The following PAPPA2 variants were observed in gnomAD, a reference collection of about 807,000 sequenced individuals.
The protein encoded by PAPPA2 is pappalysin 2, also known as pappalysin-2.
In PAPPA2, 86 loss-of-function variants were observed where a neutral mutation model predicts 176.4. The ratio of observed to expected loss-of-function variants is 0.49; its 90% CI spans 0.41 to 0.58. PAPPA2 has a LOEUF of 0.58. Ranked by LOEUF, PAPPA2 falls within the 20% of genes least tolerant of loss-of-function variation. The pLI, the probability that PAPPA2 is intolerant of heterozygous loss-of-function variation, is 0.00. For missense variants in PAPPA2, 2,073 were observed against 2,256.9 expected (o/e 0.92, Z 1.65); for synonymous variants, 809 against 852.2 (o/e 0.95, Z 0.88).
intron 21 of PAPPA2, among the ~76,000 whole-genome samples, chr1:176,815,288 C>T (rs1460453177): frequency 6.6e-6 from 1 of 152,112 alleles, no homozygotes; most frequent in South Asian, 2.1e-4. Flanking sequence ...CTCAGCTCCA[C>T]CCTTATATTT....
chr1:176,469,358 G>C (rs767926074), intron 1 of PAPPA2, among the ~76,000 whole-genome samples: 1 of 152,090 alleles, frequency 6.6e-6, no homozygotes, highest in Non-Finnish European at 1.5e-5. Context: ...CTGTTTCTGG[G>C]AGAGGGAGTG....
chr1:176,830,897 C>T (rs564265443), intron 21 of PAPPA2, among the ~76,000 whole-genome samples: 2 of 152,304 alleles, frequency 1.3e-5, no homozygotes, highest in South Asian at 4.1e-4. Flanking sequence ...TTTTAAGAAG[C>T]ATTGCTGTGT....
intron 14 of PAPPA2, among the ~76,000 whole-genome samples, chr1:176,752,986 T>C (rs1053265984): frequency 6.6e-6 from 1 of 152,258 alleles, no homozygotes; most frequent in Non-Finnish European, 1.5e-5. Context: ...CATGGAGAAT[T>C]CACTGTAGAT....
chr1:176,492,316 T>G (rs116536444), intron 1 of PAPPA2, among the ~76,000 whole-genome samples: 1,568 of 152,292 alleles, frequency 0.01, 33 homozygotes, highest in African/African-American at 0.036. Flanking sequence ...CTTTAGTTTC[T>G]CCACTAAGAG....
intron 3 of PAPPA2, among the ~76,000 whole-genome samples, chr1:176,666,604 T>TGAGA (rs1296541564): frequency 1.1e-4 from 13 of 119,960 alleles, no homozygotes; most frequent in African/African-American, 2.4e-4. Context: ...TGTGTGTGTG[T>TGAGA]GTGTGAGAGA....
intron 3 of PAPPA2, among the ~76,000 whole-genome samples, chr1:176,669,401 C>A (rs1255898830): frequency 6.6e-6 from 1 of 152,068 alleles, no homozygotes; most frequent in African/African-American, 2.4e-5. Context: ...TCATCACCCC[C>A]AAACCATCAA....
chr1:176,710,397 T>C (rs1370405535), intron 11 of PAPPA2, among the ~76,000 whole-genome samples: 3 of 152,166 alleles, frequency 2.0e-5, no homozygotes, highest in Non-Finnish European at 2.9e-5. Context: ...CCTGGAAAAA[T>C]GGGTATAGTA....
rs542402517 is a variant in PAPPA2, at chr1:176,685,148, G to A, written c.2138-4989G>A. ...CAATGAAGGTTACAGGCAAATGAAC[G>A]TGTACTGCCAGACTGCACATAGAAT... On this transcript the variant is annotated intron_variant, in intron 4 of 22. Transcript: ENST00000367662. 2.7e-4 allele frequency among the ~76,000 whole-genome samples: 41 copies of A among 152,046 alleles called. No homozygotes were observed. In the South Asian group the frequency reaches 7.7e-3, roughly 29 times the overall value.
chr1:176,466,006 C>A (rs1004671047), intron 1 of PAPPA2, among the ~76,000 whole-genome samples: 1 of 152,032 alleles, frequency 6.6e-6, no homozygotes, highest in Non-Finnish European at 1.5e-5. Context: ...AATTAGTTAT[C>A]TATTAAATGT....
chr1:176,555,092 G>A (rs1402918963), intron 1 of PAPPA2, among the ~76,000 whole-genome samples: 2 of 151,848 alleles, frequency 1.3e-5, no homozygotes, highest in Non-Finnish European at 1.5e-5. Context: ...TGTAGGCTGC[G>A]GCTGCTGAAA....
intron 3 of PAPPA2, among the ~76,000 whole-genome samples, chr1:176,615,845 G>A (rs1655191376): frequency 6.6e-6 from 1 of 152,172 alleles, no homozygotes; most frequent in African/African-American, 2.4e-5. Flanking sequence ...GGTCTAGAGT[G>A]TTCATAGTTC....
intron 12 of PAPPA2, among the ~76,000 whole-genome samples, chr1:176,738,263 G>T (rs190604148): frequency 3.9e-5 from 6 of 152,170 alleles, no homozygotes; most frequent in Admixed American, 3.3e-4. Flanking sequence ...AAATAAAAAG[G>T]GGGGGAAAGA....
At chr1:176,565,179 C>G (rs1005769493) in intron 2 of PAPPA2, among the ~76,000 whole-genome samples, 1 of 152,138 alleles carries the variant, frequency 6.6e-6, no homozygotes, top group Non-Finnish European at 1.5e-5. Context: ...TCTTCAATTA[C>G]TGGATATTTT....
chr1:176,581,887 T>A (rs1211161015), intron 2 of PAPPA2, among the ~76,000 whole-genome samples: 3 of 150,746 alleles, frequency 2.0e-5, no homozygotes, highest in Admixed American at 6.6e-5. Flanking sequence ...GGGTGGAGTC[T>A]TTAGATTTTT....
intron 2 of PAPPA2, among the ~76,000 whole-genome samples, chr1:176,585,580 C>CT: frequency 6.6e-6 from 1 of 152,126 alleles, no homozygotes; most frequent in South Asian, 2.1e-4. Flanking sequence ...TTTCCTTCAC[C>CT]TTTTCTCTTT....
intron 12 of PAPPA2, among the ~76,000 whole-genome samples, chr1:176,738,684 C>T (rs1662530970): frequency 6.6e-6 from 1 of 152,026 alleles, no homozygotes; most frequent in Admixed American, 6.6e-5. Context: ...GAGATTTATT[C>T]TCAATGGAAA....
chr1:176,749,136 G>A (rs764685370), intron 14 of PAPPA2, among the ~76,000 whole-genome samples: 12 of 152,184 alleles, frequency 7.9e-5, no homozygotes, highest in Non-Finnish European at 1.2e-4. Context: ...ATGTATGTGT[G>A]TGTTTGTGAA....
chr1:176,793,468 G>T, intron 19 of PAPPA2, 92 bp from the exon 20 acceptor site: 1 of 1,076,446 alleles, frequency 9.3e-7, no homozygotes. Flanking sequence ...GAAAGCAGTT[G>T]TTCTTTAAAA....
At position 176,740,129 on chromosome 1, in the gene PAPPA2, C is replaced by T. The variant is rs1239441409; in HGVS notation, c.4084C>T (p.Arg1362Cys). 20 of 1,613,742 alleles carry T rather than the reference C, an allele frequency of 1.2e-5. No individual in the cohort carries two copies. Among genetic ancestry groups the T allele is most frequent in the Non-Finnish European group, 1.4e-5 (16 of 1,179,866 alleles). ...ISAVALRTSSRIGLSAPSNCI... is the reference protein window; with the variant it reads ...ISAVALRTSSCIGLSAPSNCI... ...AGCTGTGGCTCTAAGGACATCCTCCCGCATTGGTCTTTCGGCTCCCAGTAA... is the reference window on the plus strand; with the variant it reads ...AGCTGTGGCTCTAAGGACATCCTCCTGCATTGGTCTTTCGGCTCCCAGTAA... Residue 1362 changes from arginine to cysteine, a missense_variant, in exon 14 of 23, where the codon CGC becomes TGC. By Grantham distance (180) the Arg-to-Cys change is radical. Around this residue, in one of 4 missense-constraint regions of PAPPA2, gnomAD observed 846 missense variants for 857.9 expected, o/e 0.99. Transcript: ENST00000367662.
Sources: allele counts gnomAD v4.1 joint callset (sites outside exome capture counted in the v4.1 genomes callset), GRCh38; gene constraint gnomAD v4.1.1; regional missense constraint gnomAD v4.1.1; transcripts MANE v1.5; gene names NCBI Gene and HGNC (gene_info 2026-07-23, HGNC 2026-07-21).